Variants in PIK3R5 observed in about 807,000 individuals in gnomAD.
The protein encoded by PIK3R5 is phosphoinositide 3-kinase regulatory subunit 5.
In PIK3R5, 32 loss-of-function variants were observed where a neutral mutation model predicts 94.9. The ratio of observed to expected loss-of-function variants is 0.34; its 90% CI spans 0.25 to 0.45. The LOEUF (loss-of-function observed/expected upper bound fraction) is 0.45. Ranked by LOEUF, PIK3R5 falls within the 20% of genes least tolerant of loss-of-function variation. The probability of loss-of-function intolerance (pLI) is 1.00; values close to 1 mark genes in which losing one functional copy is unlikely to be tolerated. For missense variants in PIK3R5, 853 were observed against 1,144.6 expected, an observed-to-expected ratio of 0.75 and a Z score of 3.68; for synonymous variants, 443 against 479.4, an observed-to-expected ratio of 0.92 and a Z score of 0.99.
At chr17:8,913,149 A>AC (rs906498746) in intron 1 of PIK3R5, among the ~76,000 whole-genome samples, 12 of 151,914 alleles carry the variant, frequency 7.9e-5, no homozygotes, top group Admixed American at 2.6e-4. Flanking sequence ...ACAAGTGGGG[A>AC]CCCCCCTCCA....
chr17:8,888,293 G>A lies in PIK3R5; in HGVS notation c.1494C>T (p.Arg498=), dbSNP rs1459334636. ...LPSWLLAPAS[R]PQRRRPFLSG... ...TCAGGAAGGGGCGGCGGCGCTGGGG[G>A]CGTGAAGCAGGGGCCAGAAGCCAGC... The change falls in exon 10 of 19, where the codon CGC becomes CGT. Residue 498 remains arginine, a synonymous_variant. Transcript: ENST00000447110. The surrounding 1 kb of genome is among the most constrained non-coding windows in gnomAD (Gnocchi z 7.8). 2.5e-6 allele frequency: 4 copies of A among 1,613,092 alleles called. No homozygotes were observed.
rs1348664798 is a variant in PIK3R5 at position 8,904,382 on chromosome 17, T to C, written c.412+395A>G. 6.6e-6 allele frequency among the ~76,000 whole-genome samples: 1 copy of C among 152,182 alleles called. No homozygotes were observed. The highest frequency in any genetic ancestry group is 2.4e-5 in the African/African-American group (1 of 41,448). On this transcript the variant is annotated intron_variant, in intron 5 of 18. Transcript: ENST00000447110. The surrounding 1 kb of genome is among the most constrained non-coding windows in gnomAD (Gnocchi z 5.1). Reference sequence around the variant, plus strand: ...GCATCAACCCACACACACAATTACCTACTTGTTCCTGGGGCACAGAGAACA... The same window carrying C: ...GCATCAACCCACACACACAATTACCCACTTGTTCCTGGGGCACAGAGAACA...
chr17:8,903,068 C>T (rs2090323785), intron 5 of PIK3R5, among the ~76,000 whole-genome samples: 2 of 152,132 alleles, frequency 1.3e-5, no homozygotes, highest in Admixed American at 1.3e-4. Flanking sequence ...TGGTCTCGAA[C>T]TCCTGACCTC....
At chr17:8,927,885 C>G (rs2090917361) in intron 1 of PIK3R5, among the ~76,000 whole-genome samples, 1 of 152,104 alleles carries the variant, frequency 6.6e-6, no homozygotes, top group Non-Finnish European at 1.5e-5. Flanking sequence ...CTTAGTTCCC[C>G]TGAGAGCCTG....
intron 1 of PIK3R5, among the ~76,000 whole-genome samples, chr17:8,924,438 A>G (rs1304480077): frequency 6.6e-6 from 1 of 152,118 alleles, no homozygotes; most frequent in Non-Finnish European, 1.5e-5. Flanking sequence ...AGATATGAAT[A>G]TTTCATAGTT....
chr17:8,888,907 G>A lies in PIK3R5; in HGVS notation c.896-16C>T, dbSNP rs770517833. On this transcript the variant is annotated splice_polypyrimidine_tract_variant and intron_variant, in intron 9 of 18. Transcript: ENST00000447110. The surrounding 1 kb of genome is among the most constrained non-coding windows in gnomAD (Gnocchi z 7.8). ...TGCAGGATGTCTGCAGGGAAGCAAG[G>A]CCAGCACTGTCTGGGCGTCTGGGCC... 2 of 1,585,716 alleles carry A rather than the reference G, an allele frequency of 1.3e-6. No individual in the cohort carries two copies. Among genetic ancestry groups the A allele is most frequent in the Non-Finnish European group, 1.7e-6 (2 of 1,169,940 alleles).
chr17:8,944,699 CCTGGCTAGGGCAG>C (rs1482368634), intron 1 of PIK3R5, among the ~76,000 whole-genome samples: 4 of 152,180 alleles, frequency 2.6e-5, no homozygotes, highest in African/African-American at 9.7e-5. Context: ...TTCAAAGGCA[CCTGGCTAGGGCAG>C]GAACACGGGT....
chr17:8,921,448 T>C (rs1451843905), intron 1 of PIK3R5, among the ~76,000 whole-genome samples: 3 of 152,210 alleles, frequency 2.0e-5, no homozygotes, highest in Non-Finnish European at 4.4e-5. Flanking sequence ...AATTATAGAA[T>C]TGGCATAATT....
rs1362888650 is a variant in PIK3R5, at chr17:8,881,569, G to A, written c.2382+61C>T. 3.0e-5 allele frequency: 39 copies of A among 1,287,232 alleles called. No homozygotes were observed. Among genetic ancestry groups the A allele is most frequent in the African/African-American group, 1.1e-4 (7 of 61,748 alleles). The allele number at this position is 1,287,232 out of a possible 1,614,324, so 79.7% of individuals were successfully genotyped here. ...TGTGCACACACACGTACACACATACGCACATGCACGCTCCAGTAAGTCTCT... is the reference window on the plus strand; with the variant it reads ...TGTGCACACACACGTACACACATACACACATGCACGCTCCAGTAAGTCTCT... On this transcript the variant is annotated intron_variant, in intron 17 of 18. Coordinates refer to ENST00000447110, the MANE Select transcript of PIK3R5 (RefSeq NM_001142633.3). The surrounding 1 kb of genome is among the most constrained non-coding windows in gnomAD (Gnocchi z 4.8).
intron 5 of PIK3R5, among the ~76,000 whole-genome samples, chr17:8,894,082 T>G (rs1319068732): frequency 3.9e-5 from 6 of 152,188 alleles, no homozygotes. Flanking sequence ...TGCGTGGCCT[T>G]GGCCAGGTCA....
At chr17:8,944,751 G>A (rs1161641481) in intron 1 of PIK3R5, among the ~76,000 whole-genome samples, 2 of 152,152 alleles carry the variant, frequency 1.3e-5, no homozygotes, top group Non-Finnish European at 2.9e-5. Flanking sequence ...AGGACACGGA[G>A]CTGGAGAGTT....
intron 5 of PIK3R5, among the ~76,000 whole-genome samples, chr17:8,899,436 C>T (rs945032912): frequency 1.3e-5 from 2 of 152,196 alleles, no homozygotes; most frequent in South Asian, 2.1e-4. Context: ...CTTACTGCCC[C>T]CAGCACTGTG....
intron 1 of PIK3R5, among the ~76,000 whole-genome samples, chr17:8,954,285 G>C (rs1169947664): frequency 6.6e-6 from 1 of 152,150 alleles, no homozygotes; most frequent in South Asian, 2.1e-4. Context: ...ACTTTAATTT[G>C]CTCCCAATTT....
chr17:8,939,320 A>T (rs965670579), intron 1 of PIK3R5, among the ~76,000 whole-genome samples: 10 of 152,178 alleles, frequency 6.6e-5, no homozygotes, highest in Middle Eastern at 3.2e-3. Flanking sequence ...GCACCATGGG[A>T]CCATTCAGCA....
chr17:8,926,738 T>C (rs1389231439), intron 1 of PIK3R5, among the ~76,000 whole-genome samples: 1 of 152,172 alleles, frequency 6.6e-6, no homozygotes. Context: ...GGAGATGAGA[T>C]TTGGGTGGGG....
Position 8,879,265 on chromosome 17 carries a change from T to C in PIK3R5, c.*1374A>G, listed in dbSNP as rs978141605. On this transcript the variant is annotated 3_prime_UTR_variant, in exon 19 of 19. Coordinates refer to ENST00000447110, the MANE Select transcript of PIK3R5 (RefSeq NM_001142633.3). The surrounding 1 kb of genome is among the most constrained non-coding windows in gnomAD (Gnocchi z 4.4). The stretch of plus-strand genomic sequence containing the variant: ...GCTACTTTCTCCACATCAGTCCAGA[T>C]CCTCGTCTTGACTTCTGCCCTATCT... 1 of 152,244 alleles carries C rather than the reference T, an allele frequency of 6.6e-6. No homozygotes were observed. The highest frequency in any genetic ancestry group is 2.4e-5 in the African/African-American group (1 of 41,454). 9.4% of individuals were successfully genotyped at this position (152,244 alleles called of 1,614,324 possible). A position where few individuals can be genotyped will look rare whatever the true frequency, so the allele number is the denominator to read the frequency against.
At chr17:8,943,046 C>G (rs1288395070) in intron 1 of PIK3R5, among the ~76,000 whole-genome samples, 4 of 151,576 alleles carry the variant, frequency 2.6e-5, no homozygotes, top group African/African-American at 4.9e-5. Context: ...CACATCACTC[C>G]TAAACATCAG....
At chr17:8,961,129 A>G (rs2091555864) in intron 1 of PIK3R5, among the ~76,000 whole-genome samples, 1 of 152,148 alleles carries the variant, frequency 6.6e-6, no homozygotes, top group South Asian at 2.1e-4. Flanking sequence ...TCAGAAGATG[A>G]GGCTTGAGCT....
At chr17:8,891,749 A>C (rs1436939280) in intron 6 of PIK3R5, among the ~76,000 whole-genome samples, 1 of 150,242 alleles carries the variant, frequency 6.7e-6, no homozygotes, top group African/African-American at 2.5e-5. Flanking sequence ...GGCACCCGCC[A>C]CCACGCCCAG....
Sources: gnomAD v4.1 joint callset for allele counts (sites outside exome capture counted in the v4.1 genomes callset) on GRCh38, gnomAD v4.1.1 for gene constraint, Gnocchi (gnomAD v3.1) non-coding constraint, MANE v1.5 for transcripts, NCBI Gene and HGNC (gene_info 2026-07-23, HGNC 2026-07-21) for gene names.